The following RXFP2 variants were observed in gnomAD, a reference collection of about 807,000 sequenced individuals.
RXFP2 encodes relaxin receptor 2.
RXFP2 carries 68 observed loss-of-function variants against 88.6 expected under a neutral mutation model. The observed-to-expected ratio is 0.77, with a 90% CI of 0.63 to 0.94. The LOEUF is 0.94. Ranked by LOEUF, RXFP2 falls within the 40% of genes least tolerant of loss-of-function variation. RXFP2 has a pLI of 0.00. For missense variants in RXFP2, 791 were observed against 893.9 expected (o/e 0.88, Z 1.47); for synonymous variants, 329 against 306.8 (o/e 1.07, Z -0.76).
rs78284646 is a variant in RXFP2 at position 31,792,162 on chromosome 13, T to C, written c.1375+127T>C. 5,045 of 733,142 alleles carry C rather than the reference T, an allele frequency of 6.9e-3. 180 individuals carry two copies. The African/African-American group carries it at 0.08, about 12-fold the overall frequency. The allele number at this position is 733,142 out of a possible 1,614,324, so 45.4% of individuals were successfully genotyped here. ...TGAATTATACATCCTGGGCACATTT[T>C]TTTTTCTAAATATAAAAGTTCTGGC... On this transcript the variant is annotated intron_variant, in intron 15 of 17. Transcript: ENST00000298386.
chr13:31,759,375 G>GAGAAGGAAAGAAAGAAAGAAAGAA (rs1453244832), intron 2 of RXFP2, among the ~76,000 whole-genome samples: 7 of 22,994 alleles, frequency 3.0e-4, no homozygotes, highest in African/African-American at 1.0e-3. Context: ...CATTTGGATT[G>GAGAAGGAAAGAAAGAAAGAAAGAA]AGAAAGAAAG....
intron 9 of RXFP2, among the ~76,000 whole-genome samples, chr13:31,779,110 T>C (rs1205867059): frequency 2.7e-5 from 4 of 147,008 alleles, no homozygotes; most frequent in Admixed American, 7.0e-5. Context: ...TATCACCATA[T>C]AGTCATTGGG....
intron 1 of RXFP2, among the ~76,000 whole-genome samples, chr13:31,743,057 A>T (rs1035985672): frequency 6.6e-6 from 1 of 152,234 alleles, no homozygotes; most frequent in African/African-American, 2.4e-5. Flanking sequence ...CATGTATTTT[A>T]AAAAATTAAG....
intron 10 of RXFP2, among the ~76,000 whole-genome samples, chr13:31,782,369 G>C (rs543298902): frequency 2.0e-5 from 3 of 152,246 alleles, no homozygotes; most frequent in Admixed American, 2.0e-4. Context: ...TTGGATGGAT[G>C]ATTGGAAAAA....
At chr13:31,795,910 T>C (rs1483585404) in intron 16 of RXFP2, among the ~76,000 whole-genome samples, 1 of 152,148 alleles carries the variant, frequency 6.6e-6, no homozygotes, top group Non-Finnish European at 1.5e-5. Context: ...ATTCACATAG[T>C]TGAATTTTTA....
At chr13:31,751,617 T>C (rs1871677802) in intron 1 of RXFP2, among the ~76,000 whole-genome samples, 1 of 152,172 alleles carries the variant, frequency 6.6e-6, no homozygotes, top group Non-Finnish European at 1.5e-5. Flanking sequence ...GAATCTGGGA[T>C]AATTCCCACT....
chr13:31,755,932 G>A (rs1221563116), intron 1 of RXFP2, among the ~76,000 whole-genome samples: 2 of 152,190 alleles, frequency 1.3e-5, no homozygotes, highest in Admixed American at 6.5e-5. Flanking sequence ...AAAAGACCCA[G>A]AGGTTGTGGC....
At chr13:31,801,345 G>A (rs760651903) in intron 17 of RXFP2, among the ~76,000 whole-genome samples, 1 of 151,996 alleles carries the variant, frequency 6.6e-6, no homozygotes, top group Non-Finnish European at 1.5e-5. Flanking sequence ...GGCCCAGCCC[G>A]CTGGATTCAG....
intron 16 of RXFP2, among the ~76,000 whole-genome samples, chr13:31,796,300 C>T (rs1429521649): frequency 7.9e-5 from 12 of 151,268 alleles, no homozygotes; most frequent in African/African-American, 1.2e-4. Flanking sequence ...CCACCCGCCT[C>T]GGCCTCCCAA....
At chr13:31,797,872 G>A (rs1327379614) in intron 17 of RXFP2, among the ~76,000 whole-genome samples, 2 of 152,176 alleles carry the variant, frequency 1.3e-5, no homozygotes, top group African/African-American at 4.8e-5. Flanking sequence ...GGGCTCTGCG[G>A]AGCACGAGAT....
chr13:31,779,402 C>G (rs1873160460), intron 9 of RXFP2, among the ~76,000 whole-genome samples: 1 of 152,076 alleles, frequency 6.6e-6, no homozygotes, highest in South Asian at 2.1e-4. Flanking sequence ...CTATACTGTT[C>G]CATAAATTCT....
chr13:31,755,596 A>C (rs548286735), intron 1 of RXFP2, among the ~76,000 whole-genome samples: 75 of 152,310 alleles, frequency 4.9e-4, no homozygotes, highest in Non-Finnish European at 5.6e-4. Flanking sequence ...TCATGTTCCA[A>C]ACACAGGAGG....
At position 31,765,956 on chromosome 13, in the gene RXFP2, G is replaced by T; in HGVS notation, c.426G>T (p.Leu142=). 1 of 1,459,378 alleles carries T rather than the reference G, an allele frequency of 6.9e-7. No individual in the cohort carries two copies. Among genetic ancestry groups the T allele is most frequent in the Non-Finnish European group, 9.6e-7 (1 of 1,046,478 alleles). 90.4% of individuals were successfully genotyped at this position (1,459,378 alleles called of 1,614,324 possible). ...AAGTTTGCTTTACATGTTATTTTAG[G>T]TCTCTTAAGAAAAACAAAATCCACA... is the stretch of plus-strand genomic sequence containing the variant. ...VPMISNNVTL[L]SLKKNKIHSL... Residue 142 remains leucine (L), a splice_region_variant and synonymous_variant, in exon 5 of 18, where the codon CTG becomes CTT. Transcript: ENST00000298386.
intron 3 of RXFP2, among the ~76,000 whole-genome samples, chr13:31,762,212 C>T (rs953218712): frequency 1.3e-5 from 2 of 152,116 alleles, no homozygotes; most frequent in African/African-American, 2.4e-5. Context: ...AATATTATTG[C>T]TAAAAGGGAG....
chr13:31,754,833 G>A (rs1468442080), intron 1 of RXFP2, among the ~76,000 whole-genome samples: 1 of 152,068 alleles, frequency 6.6e-6, no homozygotes, highest in Non-Finnish European at 1.5e-5. Flanking sequence ...AAGAAGTAGG[G>A]GAAGCTTTTA....
chr13:31,750,095 T>G (rs1272768771), intron 1 of RXFP2, among the ~76,000 whole-genome samples: 1 of 152,110 alleles, frequency 6.6e-6, no homozygotes, highest in African/African-American at 2.4e-5. Context: ...TAAACGGAGT[T>G]AAAAACAAGT....
At chr13:31,751,892 A>G (rs1407722396) in intron 1 of RXFP2, among the ~76,000 whole-genome samples, 2 of 152,218 alleles carry the variant, frequency 1.3e-5, no homozygotes, top group Non-Finnish European at 2.9e-5. Context: ...CTCATGCAGA[A>G]CGAGATGAAT....
chr13:31,786,693 C>A, intron 13 of RXFP2, 56 bp downstream of exon 13: 2 of 1,115,904 alleles, frequency 1.8e-6, no homozygotes, highest in Non-Finnish European at 1.4e-6. Flanking sequence ...TACTTAGAGA[C>A]ACATTTATTT....
In RXFP2 at chr13:31,758,403, T is replaced by C. The variant is rs758207890; in HGVS notation, c.240T>C (p.Cys80=). The C allele has an allele frequency of 3.7e-6, 6 of 1,614,080 alleles. No individual in the cohort carries two copies. In the East Asian group the frequency reaches 8.9e-5, roughly 24 times the overall value. ...GGAACGGGGCGGACGAAGAGAACTG[T>C]GGTGAGTGCTCCCCTCGGCTCCCCA... ...DCGNGADEEN[C]GDTSGWATIF... Residue 80 remains cysteine (C), a splice_region_variant and synonymous_variant, in exon 2 of 18, where the codon TGT becomes TGC. Transcript: ENST00000298386.
Sources: gnomAD v4.1 joint callset for allele counts (sites outside exome capture counted in the v4.1 genomes callset) on GRCh38, gnomAD v4.1.1 for gene constraint, MANE v1.5 for transcripts, NCBI Gene and HGNC (gene_info 2026-07-23, HGNC 2026-07-21) for gene names.